Variants in CNTN5 observed in about 807,000 individuals in gnomAD.
CNTN5 encodes the protein contactin-5.
A neutral mutation model predicts 129.1 loss-of-function variants in CNTN5; 77 were observed. The ratio of observed to expected loss-of-function variants is 0.60; its 90% CI spans 0.50 to 0.72. The LOEUF (loss-of-function observed/expected upper bound fraction) is 0.72. Among genes scored for constraint, CNTN5 ranks in the 30% least tolerant of loss-of-function variants. The probability of loss-of-function intolerance (pLI) is 0.00; values close to 1 mark genes in which losing one functional copy is unlikely to be tolerated. For synonymous variants in CNTN5, 509 were observed against 465.6 expected (o/e 1.09, Z -1.20); for missense variants, 1,478 against 1,328.8 (o/e 1.11, Z -1.75).
At chr11:99,427,307 A>G (rs1192573858) in intron 2 of CNTN5, among the ~76,000 whole-genome samples, 2 of 152,172 alleles carry the variant, frequency 1.3e-5, no homozygotes, top group African/African-American at 4.8e-5. Flanking sequence ...AAGATAAAAT[A>G]TTTTTAGCAT....
chr11:99,290,917 G>T (rs1864146967), intron 1 of CNTN5, among the ~76,000 whole-genome samples: 3 of 151,678 alleles, frequency 2.0e-5, no homozygotes, highest in Admixed American at 1.3e-4. Flanking sequence ...TGACACTATT[G>T]TTATAGCATA....
At chr11:99,487,938 C>A (rs1945880360) in intron 2 of CNTN5, among the ~76,000 whole-genome samples, 1 of 152,054 alleles carries the variant, frequency 6.6e-6, no homozygotes, top group South Asian at 2.1e-4. Flanking sequence ...GAAGATTTAT[C>A]CCACAGTAAA....
intron 6 of CNTN5, among the ~76,000 whole-genome samples, chr11:99,902,717 T>C (rs1024316765): frequency 5.3e-5 from 8 of 152,156 alleles, no homozygotes; most frequent in African/African-American, 7.2e-5. Flanking sequence ...AAATAAATGA[T>C]TTTAAATACC....
chr11:99,928,877 T>C (rs983234643), intron 7 of CNTN5, among the ~76,000 whole-genome samples: 2 of 152,236 alleles, frequency 1.3e-5, no homozygotes, highest in African/African-American at 4.8e-5. Context: ...GCAAATTTTC[T>C]GAACTTCTAT....
intron 1 of CNTN5, among the ~76,000 whole-genome samples, chr11:99,227,338 GGA>G (rs1230061275): frequency 1.3e-5 from 2 of 151,234 alleles, no homozygotes; most frequent in African/African-American, 4.9e-5. Context: ...CCAGCCTGGG[GGA>G]CAGAGCGAGA....
At chr11:99,141,857 G>A (rs896774517) in intron 1 of CNTN5, among the ~76,000 whole-genome samples, 2 of 152,150 alleles carry the variant, frequency 1.3e-5, no homozygotes, top group African/African-American at 4.8e-5. Context: ...TGGTCCAAAT[G>A]TGTAGTTGGT....
intron 8 of CNTN5, among the ~76,000 whole-genome samples, chr11:99,974,296 T>G (rs2137320582): frequency 6.6e-6 from 1 of 152,322 alleles, no homozygotes; most frequent in Admixed American, 6.5e-5. Context: ...CTTTATACTT[T>G]ATTGCTCAGT....
rs182610277 is a variant in CNTN5, at chr11:100,310,808, G to A, written c.2730+2340G>A. The stretch of plus-strand genomic sequence containing the variant: ...TGAGAGACGGCAGAGAGAACGGCAA[G>A]CCCAGGAGCTCTGAAGTACTAGCGT... On this transcript the variant is annotated intron_variant, in intron 21 of 24. Coordinates refer to ENST00000524871, the MANE Select transcript of CNTN5 (RefSeq NM_014361.4). Among the ~76,000 whole-genome samples the A allele has an allele frequency of 1.4e-4, 21 of 151,996 alleles. No homozygotes were observed. In the East Asian group the frequency reaches 4.1e-3, roughly 30 times the overall value.
At chr11:100,279,467 C>T (rs1222124911) in intron 18 of CNTN5, among the ~76,000 whole-genome samples, 8 of 151,256 alleles carry the variant, frequency 5.3e-5, no homozygotes, top group Admixed American at 4.6e-4. Flanking sequence ...CCTCTGGATG[C>T]CCATTTATTA....
chr11:99,829,941 C>T (rs974803031), intron 4 of CNTN5, among the ~76,000 whole-genome samples: 2 of 152,092 alleles, frequency 1.3e-5, no homozygotes, highest in Non-Finnish European at 2.9e-5. Flanking sequence ...TAAATATAAA[C>T]TGATCCTTGA....
intron 2 of CNTN5, among the ~76,000 whole-genome samples, chr11:99,413,159 G>GA (rs570891230): frequency 1.3e-5 from 2 of 152,056 alleles, no homozygotes; most frequent in East Asian, 3.9e-4. Flanking sequence ...AAAGCACCCT[G>GA]AAAAAAATAC....
chr11:100,057,741 G>A (rs934136047), intron 9 of CNTN5, among the ~76,000 whole-genome samples: 1 of 151,936 alleles, frequency 6.6e-6, no homozygotes, highest in Non-Finnish European at 1.5e-5. Context: ...TTCTCTGAAG[G>A]TCCGTGCTCC....
chr11:99,824,088 T>A (rs1467836253), intron 4 of CNTN5, among the ~76,000 whole-genome samples: 1 of 152,092 alleles, frequency 6.6e-6, no homozygotes, highest in Non-Finnish European at 1.5e-5. Context: ...TTTAGGTTGT[T>A]TTAATTTTAC....
At chr11:99,820,173 T>G (rs1946751381) in intron 4 of CNTN5, among the ~76,000 whole-genome samples, 1 of 39,894 alleles carries the variant, frequency 2.5e-5, no homozygotes, top group South Asian at 6.5e-4. Flanking sequence ...TAAACATCTT[T>G]AAAGGATTTG....
chr11:100,147,772 T>G (rs1197347913), intron 13 of CNTN5, among the ~76,000 whole-genome samples: 2 of 151,966 alleles, frequency 1.3e-5, no homozygotes, highest in African/African-American at 4.8e-5. Context: ...CTTTCGAGGT[T>G]CTGCCATTCT....
chr11:99,565,024 A>G lies in CNTN5; in HGVS notation c.55+8755A>G, dbSNP rs1239171550. On this transcript the variant is annotated intron_variant, in intron 3 of 24. Transcript: ENST00000524871. ...TTCTTTATAAGTATTTAACATTTCA[A>G]TAAGTATATCACAATAATATTTAGT... is the stretch of plus-strand genomic sequence containing the variant. Among the ~76,000 whole-genome samples the G allele has an allele frequency of 2.6e-5, 4 of 152,336 alleles. No homozygotes were observed. In the South Asian group the frequency reaches 8.3e-4, roughly 32 times the overall value.
intron 1 of CNTN5, among the ~76,000 whole-genome samples, chr11:99,053,429 T>C (rs1208430709): frequency 6.6e-6 from 1 of 151,906 alleles, no homozygotes. Flanking sequence ...TGGATCTTCT[T>C]ATTCTGTCTT....
At chr11:100,234,383 T>C (rs771321826) in intron 16 of CNTN5, among the ~76,000 whole-genome samples, 1 of 152,158 alleles carries the variant, frequency 6.6e-6, no homozygotes, top group African/African-American at 2.4e-5. Context: ...TGCAAAGACT[T>C]GGAACCAACC....
intron 1 of CNTN5, among the ~76,000 whole-genome samples, chr11:99,081,296 C>T (rs1865787169): frequency 1.3e-5 from 2 of 152,122 alleles, no homozygotes; most frequent in South Asian, 4.1e-4. Context: ...TCACAATTAA[C>T]TGTGGAGCTG....
Sources: allele counts gnomAD v4.1 joint callset (sites outside exome capture counted in the v4.1 genomes callset), GRCh38; gene constraint gnomAD v4.1.1; transcripts MANE v1.5; gene names NCBI Gene and HGNC (gene_info 2026-07-23, HGNC 2026-07-21).